Variants in ITSN2 observed in about 807,000 individuals in gnomAD.
ITSN2 encodes the protein intersectin-2.
A neutral mutation model predicts 243.7 loss-of-function variants in ITSN2; 156 were observed. The observed-to-expected ratio is 0.64, with a 90% CI of 0.56 to 0.73. ITSN2 has a LOEUF of 0.73. ITSN2 is among the 30% of genes least tolerant of loss of function. The pLI is 0.00. For synonymous variants in ITSN2, 703 were observed against 699.9 expected (o/e 1.00, Z -0.07); for missense variants, 1,801 against 1,996.1 (o/e 0.90, Z 1.86).
chr2:24,360,593 C>G (rs550150138), upstream of ITSN2: 1 of 152,284 alleles, frequency 6.6e-6, no homozygotes, highest in East Asian at 1.9e-4. Context: ...ACGGCCCGCC[C>G]GCTGCCGGGC....
At chr2:24,305,280 G>A (rs530913910) in intron 8 of ITSN2, among the ~76,000 whole-genome samples, 1 of 152,166 alleles carries the variant, frequency 6.6e-6, no homozygotes, top group Admixed American at 6.5e-5. Flanking sequence ...TATGTTTAGG[G>A]GGAGGAGAAG....
At chr2:24,286,471 T>C in intron 15 of ITSN2, 120 bp from the exon 16 acceptor site, 1 of 741,724 alleles carries the variant, frequency 1.3e-6, no homozygotes, top group Non-Finnish European at 2.3e-6. Context: ...GTATACACAA[T>C]GCAGACCAGT....
At chr2:24,218,700 T>G (rs946501285) in intron 30 of ITSN2, among the ~76,000 whole-genome samples, 5 of 152,084 alleles carry the variant, frequency 3.3e-5, no homozygotes, top group Non-Finnish European at 5.9e-5. Flanking sequence ...AAATAAAGGC[T>G]TAGAGGGAGA....
chr2:24,279,722 T>A (rs922608158), intron 17 of ITSN2, among the ~76,000 whole-genome samples: 1 of 146,888 alleles, frequency 6.8e-6, no homozygotes, highest in African/African-American at 2.6e-5. Context: ...GATGTGTGAA[T>A]TTTCTTTTTT....
At chr2:24,216,006 G>GC in intron 32 of ITSN2, 43 bp downstream of exon 32, 1 of 1,479,202 alleles carries the variant, frequency 6.8e-7, no homozygotes, top group Middle Eastern at 1.8e-4. Context: ...GTTGCCTCCA[G>GC]CCTCAGAAGG....
chr2:24,356,568 C>A (rs1314046521), intron 1 of ITSN2, among the ~76,000 whole-genome samples: 5 of 151,460 alleles, frequency 3.3e-5, no homozygotes, highest in Non-Finnish European at 5.9e-5. Flanking sequence ...TTGAGGCCAA[C>A]AAACATGAAA....
chr2:24,206,855 T>C (rs893964673), intron 37 of ITSN2, among the ~76,000 whole-genome samples: 1 of 151,960 alleles, frequency 6.6e-6, no homozygotes, highest in Non-Finnish European at 1.5e-5. Context: ...GAAGTCACAC[T>C]GGTTAGGGCA....
chr2:24,286,631 G>C (rs756323808), intron 15 of ITSN2, among the ~76,000 whole-genome samples: 1 of 152,068 alleles, frequency 6.6e-6, no homozygotes, highest in Non-Finnish European at 1.5e-5. Flanking sequence ...TTCACCAATC[G>C]AATCCTCAGG....
intron 1 of ITSN2, among the ~76,000 whole-genome samples, chr2:24,338,257 G>A (rs1335082179): frequency 2.0e-5 from 3 of 152,134 alleles, no homozygotes; most frequent in East Asian, 1.9e-4. Flanking sequence ...CAGGTCTTTA[G>A]ATAAACTCAA....
At chr2:24,293,660 A>G in intron 15 of ITSN2, 28 bp downstream of exon 15, 2 of 764,492 alleles carry the variant, frequency 2.6e-6, no homozygotes, top group Non-Finnish European at 4.4e-6. Context: ...AAAGGATAAA[A>G]GTAATCAGAC....
At position 24,299,690 on chromosome 2, in the gene ITSN2, T is replaced by C. The variant is rs1681476980; in HGVS notation, c.1344+219A>G. Among the ~76,000 whole-genome samples the C allele has an allele frequency of 2.0e-5, 3 of 152,222 alleles. No homozygotes were observed. The South Asian group carries it at 6.2e-4, about 31-fold the overall frequency. On this transcript the variant is annotated intron_variant, in intron 12 of 39. Transcript: ENST00000355123. ...TTGAGATATCACCTGCAGAGGATGC[T>C]TTCTCTACCACGTACCAGTTCTGAA...
intron 4 of ITSN2, among the ~76,000 whole-genome samples, chr2:24,312,941 G>T (rs180825427): frequency 2.6e-3 from 402 of 152,104 alleles, no homozygotes; most frequent in African/African-American, 9.2e-3. Flanking sequence ...AAATTATAAG[G>T]AAATTTTTCT....
chr2:24,330,330 C>T, intron 1 of ITSN2: 4 of 460,098 alleles, frequency 8.7e-6, no homozygotes, highest in South Asian at 1.8e-5. Flanking sequence ...GAACGAACCC[C>T]GGACTGACCA....
chr2:24,228,664 A>G (rs1044702025), intron 29 of ITSN2, among the ~76,000 whole-genome samples: 1 of 152,216 alleles, frequency 6.6e-6, no homozygotes, highest in African/African-American at 2.4e-5. Flanking sequence ...CATAGACTAC[A>G]TAATTTCCCA....
chr2:24,252,206 C>T (rs1433848301), intron 25 of ITSN2, 139 bp downstream of exon 25: 1 of 646,382 alleles, frequency 1.5e-6, no homozygotes, highest in Non-Finnish European at 2.6e-6. Context: ...GTAACCAAAG[C>T]AACCTGATCA....
chr2:24,290,708 T>C (rs1680139216), intron 15 of ITSN2, among the ~76,000 whole-genome samples: 1 of 152,342 alleles, frequency 6.6e-6, no homozygotes. Flanking sequence ...CTCAAATCAC[T>C]TACTGAAAGC....
intron 34 of ITSN2, 100 bp downstream of exon 34, chr2:24,210,680 G>A (rs563804188): frequency 9.2e-7 from 1 of 1,089,756 alleles, no homozygotes; most frequent in African/African-American, 1.6e-5. Context: ...GTCCACGCAG[G>A]CTGCCTAAGG....
At chr2:24,298,905 G>C (rs1464335507) in intron 12 of ITSN2, 91 bp from the exon 13 acceptor site, 6 of 1,203,962 alleles carry the variant, frequency 5.0e-6, no homozygotes, top group Non-Finnish European at 6.9e-6. Context: ...GTCAGGCAGA[G>C]TTTAGCACTT....
rs746238382 is a variant in ITSN2 at position 24,261,714 on chromosome 2, C to T, written c.2384G>A (p.Gly795Asp). Reference sequence around the variant, plus strand: ...TCCTTGAAAACTACCATAAAGCCAACCAGGTTCTCCTACGGTTTTTTCATC... The same window carrying T: ...TCCTTGAAAACTACCATAAAGCCAATCAGGTTCTCCTACGGTTTTTTCATC... ...QVDEKTVGEP[G>D]WLYGSFQGNF... The change falls in exon 21 of 40, where the codon GGT becomes GAT. Residue 795 changes from glycine (G) to aspartate (D), a missense_variant. This residue lies in a region of ITSN2 where 7 missense variants were observed against 20.0 expected (regional missense o/e 0.35). Coordinates refer to ENST00000355123, the MANE Select transcript of ITSN2 (RefSeq NM_006277.3). 6.2e-7 allele frequency: 1 copy of T among 1,612,834 alleles called. No homozygotes were observed. Among genetic ancestry groups the T allele is most frequent in the African/African-American group, 1.3e-5 (1 of 74,786 alleles).
Sources: allele counts gnomAD v4.1 joint callset (sites outside exome capture counted in the v4.1 genomes callset), GRCh38; gene constraint gnomAD v4.1.1; regional missense constraint gnomAD v4.1.1; transcripts MANE v1.5; gene names NCBI Gene and HGNC (gene_info 2026-07-23, HGNC 2026-07-21).